The following GALNT13 variants were observed in gnomAD, a reference collection of about 807,000 sequenced individuals.
The protein encoded by GALNT13 is UDP-GalNAc:polypeptide N-acetylgalactosaminyltransferase 13.
Under a neutral mutation model 64.2 loss-of-function variants are expected in GALNT13, and 28 were observed. That is an observed-to-expected ratio of 0.44 (90% CI 0.32 to 0.60). The LOEUF is 0.60. GALNT13 is among the 20% of genes least tolerant of loss of function. The pLI is 0.05. For missense variants in GALNT13, 577 were observed against 669.8 expected (o/e 0.86, Z 1.53); for synonymous variants, 214 against 224.6 (o/e 0.95, Z 0.42).
intron 9 of GALNT13, among the ~76,000 whole-genome samples, chr2:154,369,884 G>C (rs1287374052): frequency 6.6e-6 from 1 of 152,134 alleles, no homozygotes. Flanking sequence ...TACAATGTGT[G>C]TGTAGAGGGG....
chr2:154,322,884 T>G (rs1312187709), intron 9 of GALNT13, among the ~76,000 whole-genome samples: 1 of 152,028 alleles, frequency 6.6e-6, no homozygotes, highest in Admixed American at 6.6e-5. Flanking sequence ...ATGGCTTTAC[T>G]TACATGTCTG....
At chr2:153,434,568 C>G in the GALNT13 span, among the ~76,000 whole-genome samples, 5,186 of 152,254 alleles carry the variant, frequency 0.034, 311 homozygotes, top group African/African-American at 0.12. Flanking sequence ...ATTTGCATTT[C>G]TCTGATGGCC....
intron 3 of GALNT13, among the ~76,000 whole-genome samples, chr2:154,035,885 A>G (rs1437380641): frequency 6.6e-6 from 1 of 152,054 alleles, no homozygotes; most frequent in African/African-American, 2.4e-5. Flanking sequence ...ATAAAGAATA[A>G]ATAATCTTTG....
intron 8 of GALNT13, among the ~76,000 whole-genome samples, chr2:154,289,389 G>A (rs1017875560): frequency 1.3e-5 from 2 of 152,184 alleles, no homozygotes; most frequent in Admixed American, 6.5e-5. Flanking sequence ...GATTTATAAA[G>A]GAAACGGGTT....
At chr2:153,277,962 G>A in the GALNT13 span, among the ~76,000 whole-genome samples, 5 of 66,024 alleles carry the variant, frequency 7.6e-5, no homozygotes, top group Non-Finnish European at 1.8e-4. Context: ...AGTCTCACTC[G>A]GTCACCCAGG....
chr2:154,085,561 G>T (rs1701481788), intron 3 of GALNT13, among the ~76,000 whole-genome samples: 1 of 151,988 alleles, frequency 6.6e-6, no homozygotes, highest in Non-Finnish European at 1.5e-5. Context: ...TGGAACTCCA[G>T]AGTCTTGGGT....
chr2:153,104,571 T>A, the GALNT13 span, among the ~76,000 whole-genome samples: 1 of 152,296 alleles, frequency 6.6e-6, no homozygotes, highest in African/African-American at 2.4e-5. Context: ...ATTTTGGAGT[T>A]TGAGGCCCCT....
chr2:154,247,499 TA>T (rs1455864846), intron 7 of GALNT13, among the ~76,000 whole-genome samples: 1 of 152,018 alleles, frequency 6.6e-6, no homozygotes, highest in East Asian at 1.9e-4. Context: ...TATACTCATT[TA>T]AAAAAACACA....
the GALNT13 span, among the ~76,000 whole-genome samples, chr2:153,465,916 A>G: frequency 4.6e-5 from 7 of 151,998 alleles, no homozygotes; most frequent in African/African-American, 1.4e-4. Flanking sequence ...AACGGCCAAA[A>G]TCTCCTAACT....
the GALNT13 span, among the ~76,000 whole-genome samples, chr2:153,254,506 G>A: frequency 6.6e-5 from 10 of 152,076 alleles, no homozygotes; most frequent in African/African-American, 2.4e-5. Flanking sequence ...CTTGCCTTCT[G>A]CTAGCTTTTG....
chr2:153,523,218 T>A, the GALNT13 span, among the ~76,000 whole-genome samples: 10 of 152,090 alleles, frequency 6.6e-5, no homozygotes, highest in African/African-American at 2.4e-4. Flanking sequence ...TTTTTCTGAT[T>A]ACTGTAGCTT....
intron 3 of GALNT13, among the ~76,000 whole-genome samples, chr2:153,974,954 A>G (rs537715170): frequency 3.3e-5 from 5 of 152,152 alleles, no homozygotes; most frequent in Admixed American, 1.3e-4. Flanking sequence ...AACTTTCACA[A>G]TCTTGATTAG....
the GALNT13 span, among the ~76,000 whole-genome samples, chr2:153,545,043 A>T: frequency 6.6e-6 from 1 of 152,130 alleles, no homozygotes; most frequent in African/African-American, 2.4e-5. Context: ...AATAGCATAA[A>T]ATCAGATTAT....
At chr2:153,321,972 T>TGTGTGTGTGTG in the GALNT13 span, among the ~76,000 whole-genome samples, 1 of 149,206 alleles carries the variant, frequency 6.7e-6, no homozygotes, top group Non-Finnish European at 1.5e-5. Flanking sequence ...GTGTGTAAAG[T>TGTGTGTGTGTG]TGTGTGTGTG....
chr2:153,425,782 A>G, the GALNT13 span, among the ~76,000 whole-genome samples: 2 of 152,028 alleles, frequency 1.3e-5, no homozygotes, highest in Admixed American at 1.3e-4. Flanking sequence ...AATTTTTATT[A>G]TTTAAAATGT....
chr2:153,872,754 C>G (rs1362063965), intron 1 of GALNT13, among the ~76,000 whole-genome samples: 1 of 151,840 alleles, frequency 6.6e-6, no homozygotes, highest in Non-Finnish European at 1.5e-5. Flanking sequence ...GCGGGCGTTT[C>G]TACTCGACCC....
At chr2:153,105,276 T>C in the GALNT13 span, among the ~76,000 whole-genome samples, 1 of 151,864 alleles carries the variant, frequency 6.6e-6, no homozygotes, top group African/African-American at 2.4e-5. Flanking sequence ...AAAAACCACA[T>C]GATTATCTCA....
rs139563536 is a variant in GALNT13, at chr2:154,352,467, G to A, written c.1157-43524G>A. ...ATTGTTAGGCACAGTTCTAGGTGCT[G>A]TTCATGCATTGTCACATGTAAGGCT... On this transcript the variant is annotated intron_variant, in intron 9 of 12. Coordinates refer to ENST00000392825, the MANE Select transcript of GALNT13 (RefSeq NM_052917.4). Among the ~76,000 whole-genome samples, 3 of 152,338 alleles carry A rather than the reference G, an allele frequency of 2.0e-5. No individual in the cohort carries two copies. In the East Asian group the frequency reaches 5.8e-4, roughly 29 times the overall value.
chr2:153,734,748 A>G, the GALNT13 span, among the ~76,000 whole-genome samples: 1 of 152,108 alleles, frequency 6.6e-6, no homozygotes, highest in Non-Finnish European at 1.5e-5. Flanking sequence ...ATCCTGTGCT[A>G]CTTTTGAAGT....
Sources: allele counts gnomAD v4.1 joint callset (sites outside exome capture counted in the v4.1 genomes callset), GRCh38; gene constraint gnomAD v4.1.1; transcripts MANE v1.5; gene names NCBI Gene and HGNC (gene_info 2026-07-23, HGNC 2026-07-21).